Variants in GNA14 observed in about 807,000 individuals in gnomAD.
GNA14 encodes the protein G protein subunit alpha 14, also known as guanine nucleotide-binding protein subunit alpha-14.
Under a neutral mutation model 42.0 loss-of-function variants are expected in GNA14, and 50 were observed. The ratio of observed to expected loss-of-function variants is 1.19; its 90% CI spans 0.95 to 1.51. The LOEUF is 1.51. GNA14 is among the 40% of genes most tolerant of loss of function. GNA14 has a pLI of 0.00. For missense variants in GNA14, 473 were observed against 446.2 expected, an observed-to-expected ratio of 1.06 and a Z score of -0.54; for synonymous variants, 173 against 163.1, an observed-to-expected ratio of 1.06 and a Z score of -0.46.
At chr9:77,621,505 A>T (rs969387548) in intron 1 of GNA14, among the ~76,000 whole-genome samples, 7 of 152,228 alleles carry the variant, frequency 4.6e-5, no homozygotes, top group Non-Finnish European at 1.0e-4. Context: ...TAATTGATAG[A>T]CCCTATGTTT....
At chr9:77,519,012 C>T (rs996198590) in intron 2 of GNA14, among the ~76,000 whole-genome samples, 1 of 152,122 alleles carries the variant, frequency 6.6e-6, no homozygotes, top group African/African-American at 2.4e-5. Flanking sequence ...TCACAAAGCT[C>T]CCTGAAAACA....
intron 2 of GNA14, among the ~76,000 whole-genome samples, chr9:77,462,638 T>C (rs1836127619): frequency 1.4e-5 from 2 of 147,856 alleles, no homozygotes; most frequent in African/African-American, 2.5e-5. Context: ...GGAGAATCAC[T>C]TCAACCTGGG....
chr9:77,442,114 A>G (rs1393726948), intron 2 of GNA14, among the ~76,000 whole-genome samples: 2 of 152,222 alleles, frequency 1.3e-5, no homozygotes, highest in African/African-American at 4.8e-5. Flanking sequence ...GCTCATGCCT[A>G]TAATCCCAGA....
chr9:77,518,099 G>A (rs1837290517), intron 2 of GNA14: 1 of 152,112 alleles, frequency 6.6e-6, no homozygotes, highest in African/African-American at 2.4e-5. Context: ...CACTTCTGAA[G>A]GTAGGTTACT....
intron 2 of GNA14, among the ~76,000 whole-genome samples, chr9:77,437,630 GAA>G (rs918386756): frequency 8.7e-5 from 13 of 148,890 alleles, no homozygotes; most frequent in African/African-American, 2.8e-4. Flanking sequence ...GAAAAAGAAA[GAA>G]AGAAAAAAGG....
intron 4 of GNA14, among the ~76,000 whole-genome samples, chr9:77,429,637 G>A (rs1349929693): frequency 6.6e-6 from 1 of 152,144 alleles, no homozygotes; most frequent in African/African-American, 2.4e-5. Flanking sequence ...AATGCTACAA[G>A]AATCAGGCAG....
intron 1 of GNA14, among the ~76,000 whole-genome samples, chr9:77,544,667 A>C (rs1030487940): frequency 2.8e-5 from 4 of 142,574 alleles, no homozygotes; most frequent in South Asian, 2.2e-4. Flanking sequence ...ACGTCACTGC[A>C]TCTCAAAAAA....
At chr9:77,430,194 A>G (rs896654983) in intron 4 of GNA14, among the ~76,000 whole-genome samples, 1 of 152,174 alleles carries the variant, frequency 6.6e-6, no homozygotes, top group African/African-American at 2.4e-5. Flanking sequence ...TAAAAGCCTC[A>G]ATTTCAAAGA....
At chr9:77,505,576 G>C (rs1837055147) in intron 2 of GNA14, among the ~76,000 whole-genome samples, 2 of 152,208 alleles carry the variant, frequency 1.3e-5, no homozygotes, top group South Asian at 4.1e-4. Context: ...ATGAATAAAT[G>C]CATGGGTGAA....
intron 1 of GNA14, among the ~76,000 whole-genome samples, chr9:77,545,340 A>C (rs988125645): frequency 9.9e-5 from 15 of 152,236 alleles, no homozygotes; most frequent in South Asian, 2.1e-4. Context: ...GTAGGTCTTT[A>C]AAAATATAAT....
At chr9:77,484,664 C>T (rs543540285) in intron 2 of GNA14, among the ~76,000 whole-genome samples, 6 of 152,144 alleles carry the variant, frequency 3.9e-5, no homozygotes, top group African/African-American at 1.4e-4. Flanking sequence ...ATTCCAAGAC[C>T]TTCAGTGGAC....
intron 1 of GNA14, chr9:77,580,387 G>A: frequency 6.4e-6 from 2 of 314,116 alleles, no homozygotes; most frequent in Admixed American, 7.0e-5. Flanking sequence ...CAATGACAGG[G>A]GAAAGCTGCC....
chr9:77,535,559 AC>A (rs1291231114), intron 1 of GNA14, among the ~76,000 whole-genome samples: 6 of 152,028 alleles, frequency 3.9e-5, no homozygotes, highest in Non-Finnish European at 4.4e-5. Flanking sequence ...GAAAACAAAA[AC>A]AAAAAACAAA....
At chr9:77,513,413 G>A (rs1260440757) in intron 2 of GNA14, among the ~76,000 whole-genome samples, 1 of 152,338 alleles carries the variant, frequency 6.6e-6, no homozygotes, top group Non-Finnish European at 1.5e-5. Flanking sequence ...GCAAGTGATA[G>A]TACCTACATT....
chr9:77,502,207 C>A (rs1412769298), intron 2 of GNA14, among the ~76,000 whole-genome samples: 2 of 152,114 alleles, frequency 1.3e-5, no homozygotes, highest in Admixed American at 6.5e-5. Context: ...TATAATTGCT[C>A]ATTGAAACAT....
At chr9:77,517,590 C>CTTTTCTTTTTTTT (rs1837278280) in intron 2 of GNA14, 2 of 26,792 alleles carry the variant, frequency 7.5e-5, no homozygotes, top group Non-Finnish European at 6.8e-5. Flanking sequence ...TGGTACTTTT[C>CTTTTCTTTTTTTT]TTTTTTTTTT....
intron 2 of GNA14, among the ~76,000 whole-genome samples, chr9:77,447,634 G>T (rs117823564): frequency 0.12 from 18,312 of 152,138 alleles, 1,530 homozygotes; most frequent in East Asian, 0.36. Flanking sequence ...GGGGTGGGGA[G>T]GACTCTCCTC....
intron 2 of GNA14, among the ~76,000 whole-genome samples, chr9:77,522,733 G>T (rs898759166): frequency 1.3e-5 from 2 of 152,158 alleles, no homozygotes; most frequent in African/African-American, 2.4e-5. Flanking sequence ...GCCTGTGGGG[G>T]TGATACTCTT....
chr9:77,520,173 T>C lies in GNA14; in HGVS notation c.309+8896A>G, dbSNP rs375498618. Reference sequence around the variant, plus strand: ...GCCTAGGATACTATTGCAGAGCTTATTAATCAGTTAATAAGCAAATCGGCC... The same window carrying C: ...GCCTAGGATACTATTGCAGAGCTTACTAATCAGTTAATAAGCAAATCGGCC... On this transcript the variant is annotated intron_variant, in intron 2 of 6. Coordinates refer to ENST00000341700, the MANE Select transcript of GNA14 (RefSeq NM_004297.4). Among the ~76,000 whole-genome samples, 15 of 152,294 alleles carry C rather than the reference T, an allele frequency of 9.8e-5. No homozygotes were observed. The South Asian group carries it at 2.1e-3, about 21-fold the overall frequency.
Sources: allele counts gnomAD v4.1 joint callset (sites outside exome capture counted in the v4.1 genomes callset), GRCh38; gene constraint gnomAD v4.1.1; transcripts MANE v1.5; gene names NCBI Gene and HGNC (gene_info 2026-07-23, HGNC 2026-07-21).